The following DOCK8 variants were observed in gnomAD, a reference collection of about 807,000 sequenced individuals.
The protein encoded by DOCK8 is dedicator of cytokinesis 8, also known as dedicator of cytokinesis protein 8.
In DOCK8, 141 loss-of-function variants were observed where a neutral mutation model predicts 245.6. That is an observed-to-expected ratio of 0.57 (90% CI 0.50 to 0.66). The LOEUF (loss-of-function observed/expected upper bound fraction) is 0.66. Among genes scored for constraint, DOCK8 ranks in the 30% least tolerant of loss-of-function variants. The pLI is 0.00. For synonymous variants in DOCK8, 1,168 were observed against 970.2 expected (o/e 1.20, Z -3.79); for missense variants, 2,965 against 2,603.4 (o/e 1.14, Z -3.02).
chr9:258,217 G>C (rs912193519), intron 1 of DOCK8, among the ~76,000 whole-genome samples: 1 of 152,240 alleles, frequency 6.6e-6, no homozygotes, highest in Non-Finnish European at 1.5e-5. Flanking sequence ...GCAGAGGCTG[G>C]AAGGCTCTCC....
chr9:344,206 G>A (rs533288518), intron 14 of DOCK8, among the ~76,000 whole-genome samples: 2 of 152,170 alleles, frequency 1.3e-5, no homozygotes, highest in African/African-American at 4.8e-5. Flanking sequence ...TTTGGTTGTG[G>A]CCCCTTCTCT....
intron 9 of DOCK8, 90 bp from the exon 10 acceptor site, chr9:332,308 T>A: frequency 1.1e-6 from 1 of 887,544 alleles, no homozygotes; most frequent in Admixed American, 1.9e-5. Context: ...TCATCAAATA[T>A]TGTCATAAAA....
chr9:413,920 TC>T (rs1228882352), intron 28 of DOCK8, among the ~76,000 whole-genome samples: 1 of 152,168 alleles, frequency 6.6e-6, no homozygotes, highest in African/African-American at 2.4e-5. Flanking sequence ...GGTGGGCAGA[TC>T]ATTTGAGGCC....
At chr9:316,266 G>T (rs1168597703) in intron 6 of DOCK8, among the ~76,000 whole-genome samples, 4 of 152,172 alleles carry the variant, frequency 2.6e-5, no homozygotes, top group Non-Finnish European at 5.9e-5. Context: ...AAAGCATACT[G>T]CAAGAGTGGG....
intron 14 of DOCK8, among the ~76,000 whole-genome samples, chr9:341,930 G>A (rs1050784808): frequency 1.1e-4 from 16 of 152,166 alleles, no homozygotes; most frequent in Non-Finnish European, 1.8e-4. Context: ...AGGCATCTAG[G>A]TTGTGCGCTC....
At chr9:440,854 C>T (rs539273829) in intron 40 of DOCK8, among the ~76,000 whole-genome samples, 14 of 152,272 alleles carry the variant, frequency 9.2e-5, no homozygotes, top group Admixed American at 7.2e-4. Flanking sequence ...CCACCTCAAC[C>T]GCCCAAGTAG....
intron 2 of DOCK8, chr9:276,941 T>C: frequency 3.3e-6 from 1 of 301,962 alleles, no homozygotes. Flanking sequence ...CCCAAGTAAC[T>C]GGGACCACAG....
At chr9:400,006 T>TCCTCCATCACCA (rs1564011386) in intron 26 of DOCK8, among the ~76,000 whole-genome samples, 1 of 80,420 alleles carries the variant, frequency 1.2e-5, no homozygotes, top group African/African-American at 6.2e-5. Flanking sequence ...CTCCACCACC[T>TCCTCCATCACCA]CCACCATCAC....
chr9:219,407 G>C (rs1456649363), intron 1 of DOCK8, among the ~76,000 whole-genome samples: 2 of 152,100 alleles, frequency 1.3e-5, no homozygotes, highest in African/African-American at 2.4e-5. Context: ...GGAGGTGGAG[G>C]CTACAGTGAG....
intron 1 of DOCK8, among the ~76,000 whole-genome samples, chr9:246,745 T>C (rs1367221497): frequency 6.6e-6 from 1 of 152,160 alleles, no homozygotes; most frequent in African/African-American, 2.4e-5. Flanking sequence ...TCATAGGTAA[T>C]TTATCAGTTA....
At chr9:403,968 A>ATATATACG in intron 26 of DOCK8, among the ~76,000 whole-genome samples, 1 of 72,556 alleles carries the variant, frequency 1.4e-5, no homozygotes, top group African/African-American at 1.0e-4. Context: ...ATGTATATAT[A>ATATATACG]TATATATGTG....
intron 1 of DOCK8, chr9:220,719 T>TTC (rs529210996): frequency 2.7e-4 from 101 of 370,930 alleles, no homozygotes; most frequent in Middle Eastern, 9.2e-4. Context: ...ATTTCTTTCT[T>TTC]TTTTTTTTTT....
intron 14 of DOCK8, among the ~76,000 whole-genome samples, chr9:359,485 A>T (rs2131096985): frequency 6.6e-6 from 1 of 152,328 alleles, no homozygotes; most frequent in Non-Finnish European, 1.5e-5. Flanking sequence ...TGTTACATTT[A>T]AAATAGATTT....
chr9:376,179 T>A lies in DOCK8; in HGVS notation c.2110-31T>A, dbSNP rs35724655. 0.22 allele frequency: 322,481 copies of A among 1,474,472 alleles called. 38,068 individuals are homozygous for A. The highest frequency in any genetic ancestry group is 0.26 in the Middle Eastern group (1,508 of 5,810). 91.3% of individuals were successfully genotyped at this position (1,474,472 alleles called of 1,614,324 possible). On this transcript the variant is annotated intron_variant, in intron 18 of 47. Coordinates refer to ENST00000432829, the MANE Select transcript of DOCK8 (RefSeq NM_203447.4). ...TAGTAATCAGAAAAGGGAATTGGATTGCTAATCTTTTTTTTTTCTCTTTAA... is the reference window on the plus strand; with the variant it reads ...TAGTAATCAGAAAAGGGAATTGGATAGCTAATCTTTTTTTTTTCTCTTTAA...
Position 405,188 on chromosome 9 carries a change from A to G in DOCK8, c.3390+115A>G, listed in dbSNP as rs2055356195. The G allele has an allele frequency of 3.7e-6, 4 of 1,094,916 alleles. No homozygotes were observed. The East Asian group carries it at 7.7e-5, about 21-fold the overall frequency. 67.8% of individuals were successfully genotyped at this position (1,094,916 alleles called of 1,614,324 possible). A position where few individuals can be genotyped will look rare whatever the true frequency, so the allele number is the denominator to read the frequency against. On this transcript the variant is annotated intron_variant, in intron 27 of 47. Transcript: ENST00000432829. ...TCTTATTAATTTGACAAAAAATCAAACAATTCAAACCAGATCAAGTATGCT... is the reference window on the plus strand; with the variant it reads ...TCTTATTAATTTGACAAAAAATCAAGCAATTCAAACCAGATCAAGTATGCT...
At chr9:379,505 G>A (rs2053651821) in intron 20 of DOCK8, among the ~76,000 whole-genome samples, 1 of 152,116 alleles carries the variant, frequency 6.6e-6, no homozygotes, top group African/African-American at 2.4e-5. Context: ...TAGAGAAGGA[G>A]GACGTCTGGA....
intron 24 of DOCK8, among the ~76,000 whole-genome samples, chr9:392,392 A>C (rs1041770573): frequency 2.1e-4 from 32 of 152,174 alleles, no homozygotes; most frequent in African/African-American, 7.7e-4. Context: ...AAGTTTTGCA[A>C]AGTCCCAACC....
rs2057908959 is a variant in DOCK8, at chr9:464,390, C to A, written c.*171C>A. The A allele has an allele frequency of 1.4e-6, 1 of 700,162 alleles. No homozygotes were observed. The highest frequency in any genetic ancestry group is 2.6e-6 in the Non-Finnish European group (1 of 389,898). 43.4% of individuals were successfully genotyped at this position (700,162 alleles called of 1,614,324 possible). The stretch of plus-strand genomic sequence containing the variant: ...AACCATGGAATTATTCCCAAATGGA[C>A]TCTGACCAGATTTTTGCCATACTGG... On this transcript the variant is annotated 3_prime_UTR_variant, in exon 48 of 48. Coordinates refer to ENST00000432829, the MANE Select transcript of DOCK8 (RefSeq NM_203447.4).
chr9:426,013 T>G (rs1439289353), intron 33 of DOCK8, among the ~76,000 whole-genome samples: 1 of 152,126 alleles, frequency 6.6e-6, no homozygotes. Context: ...TGAGCTGATA[T>G]AATGATACCC....
Sources: allele counts gnomAD v4.1 joint callset (sites outside exome capture counted in the v4.1 genomes callset), GRCh38; gene constraint gnomAD v4.1.1; transcripts MANE v1.5; gene names NCBI Gene and HGNC (gene_info 2026-07-23, HGNC 2026-07-21).